The following GLYAT variants were observed in gnomAD, a reference collection of about 807,000 sequenced individuals.
The protein encoded by GLYAT is glycine-N-acyltransferase, also known as glycine N-acyltransferase.
Under a neutral mutation model 22.8 loss-of-function variants are expected in GLYAT, and 25 were observed. The ratio of observed to expected loss-of-function variants is 1.09; its 90% CI spans 0.80 to 1.53. The LOEUF (loss-of-function observed/expected upper bound fraction) is 1.53, where lower values mean the gene tolerates loss of function less well. GLYAT is among the 40% of genes most tolerant of loss of function. The pLI is 0.00. For missense variants in GLYAT, 411 were observed against 353.9 expected (o/e 1.16, Z -1.29); for synonymous variants, 140 against 122.7 (o/e 1.14, Z -0.93).
chr11:58,718,730 G>A (rs532779198), intron 2 of GLYAT, among the ~76,000 whole-genome samples: 172 of 151,768 alleles, frequency 1.1e-3, no homozygotes, highest in African/African-American at 3.7e-3. Flanking sequence ...ACCTGTTGGA[G>A]TTTTATAGCT....
Position 58,724,421 on chromosome 11 carries a change from A to G in GLYAT, c.76T>C (p.Leu26=). ...TCAGAATTTTCCATTATCACCTTTA[A>G]GGATGCTGGGAGGCTCTTCCTCAAG... ...KSLRKSLPAS[L]KVYGTVFHIN... is the part of the protein sequence containing the mutation. The change falls in exon 2 of 6, where the codon TTA becomes CTA. Residue 26 remains leucine, a synonymous_variant. Transcript: ENST00000344743. 6.3e-7 allele frequency: 1 copy of G among 1,582,542 alleles called. No individual in the cohort carries two copies. Among genetic ancestry groups the G allele is most frequent in the Admixed American group, 1.7e-5 (1 of 59,196 alleles).
chr11:58,716,232 C>T (rs149648231), intron 2 of GLYAT, among the ~76,000 whole-genome samples: 4 of 152,126 alleles, frequency 2.6e-5, no homozygotes, highest in African/African-American at 9.6e-5. Flanking sequence ...TTGTGGTATG[C>T]AGTAGTGGAT....
chr11:58,731,586 T>C (rs1263086662), intron 1 of GLYAT, among the ~76,000 whole-genome samples: 11 of 152,204 alleles, frequency 7.2e-5, no homozygotes, highest in Non-Finnish European at 8.8e-5. Flanking sequence ...ATTTAAAGTA[T>C]ACAATATGAT....
Position 58,709,480 on chromosome 11 carries a change from A to G in GLYAT, c.*286T>C. ...GGAACCAGGGATTCCAGGAGAAGTAATTTGGAGCAATATGTATCTGATGAA... is the reference window on the plus strand; with the variant it reads ...GGAACCAGGGATTCCAGGAGAAGTAGTTTGGAGCAATATGTATCTGATGAA... On this transcript the variant is annotated 3_prime_UTR_variant, in exon 6 of 6. Transcript: ENST00000344743. 3.9e-6 allele frequency: 1 copy of G among 258,986 alleles called. No individual in the cohort carries two copies. The highest frequency in any genetic ancestry group is 7.3e-6 in the Non-Finnish European group (1 of 136,738). 16.0% of individuals were successfully genotyped at this position (258,986 alleles called of 1,614,324 possible). A position where few individuals can be genotyped will look rare whatever the true frequency, so the allele number is the denominator to read the frequency against.
chr11:58,714,523 T>A (rs1276152979), intron 3 of GLYAT, among the ~76,000 whole-genome samples: 5 of 152,196 alleles, frequency 3.3e-5, no homozygotes, highest in Non-Finnish European at 7.4e-5. Flanking sequence ...TTGATATGGT[T>A]TGGCTGTGTC....
intron 3 of GLYAT, among the ~76,000 whole-genome samples, chr11:58,714,955 G>C (rs564414622): frequency 5.9e-5 from 9 of 151,718 alleles, no homozygotes; most frequent in Admixed American, 2.6e-4. Flanking sequence ...TCTCTGCTTA[G>C]AATGTCCACT....
intron 1 of GLYAT, among the ~76,000 whole-genome samples, chr11:58,728,889 AGAAGGAAGGAAG>A (rs71064488): frequency 0.027 from 2,770 of 101,034 alleles, 84 homozygotes; most frequent in South Asian, 0.064. Flanking sequence ...AAAGAAAGAA[AGAAGGAAGGAAG>A]GAAGGAAGGA....
chr11:58,712,792 A>C lies in GLYAT; in HGVS notation c.284T>G (p.Leu95Arg). The change falls in exon 4 of 6, where the codon CTC (leucine) becomes CGC (arginine). Residue 95 changes from leucine (L) to arginine (R), a missense_variant. Physicochemically the swap from Leu to Arg is moderately radical, Grantham distance 102. Transcript: ENST00000344743. ...CTGTAAATGCTGTTTCCAGTTGATG[A>C]GTTCTGGTGATCCAAGGAATTCCTG... ...NCQEFLGSPE[L>R]INWKQHLQIQ... 1 of 1,612,756 alleles carries C rather than the reference A, an allele frequency of 6.2e-7. No homozygotes were observed. Among genetic ancestry groups the C allele is most frequent in the Non-Finnish European group, 8.5e-7 (1 of 1,178,886 alleles).
chr11:58,714,529 G>C (rs902446543), intron 3 of GLYAT, among the ~76,000 whole-genome samples: 6 of 152,094 alleles, frequency 3.9e-5, no homozygotes, highest in African/African-American at 1.4e-4. Flanking sequence ...TGGTTTGGCT[G>C]TGTCCCCACC....
chr11:58,712,227 T>C (rs1168673037), intron 4 of GLYAT, among the ~76,000 whole-genome samples: 1 of 152,234 alleles, frequency 6.6e-6, no homozygotes, highest in East Asian at 1.9e-4. Flanking sequence ...TTTCATTTAA[T>C]CTTTTCAGTG....
chr11:58,712,477 T>C (rs1445197525), intron 4 of GLYAT, among the ~76,000 whole-genome samples: 1 of 152,140 alleles, frequency 6.6e-6, no homozygotes, highest in African/African-American at 2.4e-5. Context: ...AAGGCTCTTC[T>C]TCAGCATCCA....
chr11:58,717,554 A>G (rs1324876618), intron 2 of GLYAT, among the ~76,000 whole-genome samples: 1 of 151,168 alleles, frequency 6.6e-6, no homozygotes, highest in Non-Finnish European at 1.5e-5. Context: ...AGGAAAAATG[A>G]AAAAAAAAGA....
chr11:58,712,861 T>G lies in GLYAT; in HGVS notation c.215A>C (p.Tyr72Ser), dbSNP rs1231191262. The G allele has an allele frequency of 6.2e-7, 1 of 1,605,514 alleles. No homozygotes were observed. The highest frequency in any genetic ancestry group is 2.2e-5 in the East Asian group (1 of 44,804). Reference sequence around the variant, plus strand: ...GGAGTAGATTTGGTAAGTATTGGTATAGTGATCAAGGTCATCTGTCATATC... The same window carrying G: ...GGAGTAGATTTGGTAAGTATTGGTAGAGTGATCAAGGTCATCTGTCATATC... ...EQDMTDDLDH[Y>S]TNTYQIYSKD... Residue 72 changes from tyrosine to serine, a missense_variant, in exon 4 of 6, where the codon TAT (tyrosine) becomes TCT (serine). Coordinates refer to ENST00000344743, the MANE Select transcript of GLYAT (RefSeq NM_201648.3).
chr11:58,717,275 A>G (rs1565056958), intron 2 of GLYAT, among the ~76,000 whole-genome samples: 1 of 152,126 alleles, frequency 6.6e-6, no homozygotes, highest in Non-Finnish European at 1.5e-5. Flanking sequence ...GTAGGTCCCA[A>G]AATCTCATTT....
At chr11:58,712,369 G>A (rs1470096324) in intron 4 of GLYAT, among the ~76,000 whole-genome samples, 1 of 152,130 alleles carries the variant, frequency 6.6e-6, no homozygotes, top group African/African-American at 2.4e-5. Context: ...TCTCCAGAGA[G>A]CATAGTTGGA....
chr11:58,727,759 CCTT>C (rs1377425917), intron 1 of GLYAT, among the ~76,000 whole-genome samples: 1 of 152,098 alleles, frequency 6.6e-6, no homozygotes, highest in Non-Finnish European at 1.5e-5. Context: ...TGGTATGTGA[CCTT>C]CTAGGGATAT....
chr11:58,724,437 C>G lies in GLYAT; in HGVS notation c.60G>C (p.Lys20Asn). ...MLQMLEKSLRKSLPASLKVYG... is the reference protein window; with the variant it reads ...MLQMLEKSLRNSLPASLKVYG... ...TCACCTTTAAGGATGCTGGGAGGCT[C>G]TTCCTCAAGGATTTCTCCAGCATCT... is the stretch of plus-strand genomic sequence containing the variant. Residue 20 changes from lysine to asparagine, a missense_variant, in exon 2 of 6, where the codon AAG becomes AAC. Coordinates refer to ENST00000344743, the MANE Select transcript of GLYAT (RefSeq NM_201648.3). 6.2e-7 allele frequency: 1 copy of G among 1,603,866 alleles called. No homozygotes were observed. The highest frequency in any genetic ancestry group is 8.5e-7 in the Non-Finnish European group (1 of 1,171,840).
intron 2 of GLYAT, among the ~76,000 whole-genome samples, chr11:58,723,090 A>G (rs1228738998): frequency 6.6e-6 from 1 of 152,072 alleles, no homozygotes; most frequent in African/African-American, 2.4e-5. Context: ...TTTAGGATCC[A>G]CTTAACACAA....
At chr11:58,722,596 C>T (rs1036898969) in intron 2 of GLYAT, among the ~76,000 whole-genome samples, 2 of 152,024 alleles carry the variant, frequency 1.3e-5, no homozygotes, top group East Asian at 1.9e-4. Flanking sequence ...ATTAGCCTTT[C>T]CAAAGAGGCA....
Sources: allele counts gnomAD v4.1 joint callset (sites outside exome capture counted in the v4.1 genomes callset), GRCh38; gene constraint gnomAD v4.1.1; transcripts MANE v1.5; gene names NCBI Gene and HGNC (gene_info 2026-07-23, HGNC 2026-07-21).